FAAH2: variants seen among roughly 807,000 people sequenced by gnomAD.
FAAH2 encodes fatty acid amide hydrolase 2, also known as fatty-acid amide hydrolase 2.
In FAAH2, 60 loss-of-function variants were observed where a neutral mutation model predicts 36.9. The ratio of observed to expected loss-of-function variants is 1.63; its 90% CI spans 1.32 to 2.02. The LOEUF (loss-of-function observed/expected upper bound fraction) is 2.02. FAAH2 is among the 30% of genes most tolerant of loss of function. The pLI is 0.00. For missense variants in FAAH2, 689 were observed against 397.5 expected, an observed-to-expected ratio of 1.73 and a Z score of -6.23; for synonymous variants, 214 against 143.8, an observed-to-expected ratio of 1.49 and a Z score of -3.49.
the FAAH2 span, among the ~76,000 whole-genome samples, chrX:57,211,909 G>T: frequency 8.9e-6 from 1 of 111,776 alleles, no homozygotes; most frequent in African/African-American, 3.3e-5. Context: ...ACATCCTCAG[G>T]ATAAACAAGT....
the FAAH2 span, among the ~76,000 whole-genome samples, chrX:57,242,220 C>G: frequency 1.9e-4 from 21 of 111,915 alleles, no homozygotes; most frequent in East Asian, 5.7e-3. Context: ...CAGCTGGCAT[C>G]TGGCAGGTGC....
intron 10 of FAAH2, among the ~76,000 whole-genome samples, chrX:57,487,928 T>C (rs2057504647): frequency 8.9e-6 from 1 of 112,096 alleles, no homozygotes; most frequent in Non-Finnish European, 1.9e-5. Flanking sequence ...CAAAATTTGG[T>C]ATATTTATTC....
intron 7 of FAAH2, among the ~76,000 whole-genome samples, chrX:57,423,920 C>T (rs769588504): frequency 2.7e-5 from 3 of 111,837 alleles, no homozygotes; most frequent in Non-Finnish European, 3.8e-5. Context: ...CTGGCTCTCA[C>T]CTGAAAGTAC....
chrX:57,342,567 C>T (rs934445072), intron 5 of FAAH2, among the ~76,000 whole-genome samples: 9 of 111,388 alleles, frequency 8.1e-5, no homozygotes, highest in African/African-American at 1.3e-4. Context: ...TAAAGAATTA[C>T]GCACAAAAAG....
intron 7 of FAAH2, among the ~76,000 whole-genome samples, chrX:57,388,686 A>C (rs1432496309): frequency 9.0e-6 from 1 of 111,218 alleles, no homozygotes; most frequent in Non-Finnish European, 1.9e-5. Context: ...GCATAATGCC[A>C]TGTAACTATC....
intron 2 of FAAH2, among the ~76,000 whole-genome samples, chrX:57,294,860 C>G (rs967251360): frequency 4.5e-5 from 5 of 110,764 alleles, no homozygotes; most frequent in African/African-American, 1.6e-4. Context: ...CATGAAGGGC[C>G]CAGAAACCAC....
chrX:57,301,767 C>G (rs886122275), intron 2 of FAAH2, among the ~76,000 whole-genome samples: 1 of 111,230 alleles, frequency 9.0e-6, no homozygotes, highest in African/African-American at 3.3e-5. Context: ...TGTTGGTTGT[C>G]TCACCCACCA....
intron 10 of FAAH2, among the ~76,000 whole-genome samples, chrX:57,452,785 T>C (rs909007188): frequency 9.0e-6 from 1 of 111,585 alleles, no homozygotes; most frequent in South Asian, 3.7e-4. Flanking sequence ...GTGTGAAAAA[T>C]GATCAAATGG....
chrX:57,325,008 C>A (rs1002050196), intron 3 of FAAH2, among the ~76,000 whole-genome samples: 1 of 111,842 alleles, frequency 8.9e-6, no homozygotes. Context: ...TTTTGAGATA[C>A]GTCCCATCAA....
chrX:57,378,779 A>T lies in FAAH2; in HGVS notation c.871A>T (p.Ile291Phe). 1 of 1,206,329 alleles carries T rather than the reference A, an allele frequency of 8.3e-7. No homozygotes were observed. Among genetic ancestry groups the T allele is most frequent in the Non-Finnish European group, 1.1e-6 (1 of 892,612 alleles). ...GTTGAAGGTCATGGCAGGACCTGGG[A>T]TCAAAAGGTATGTTCATTTATTTTT... The part of the protein sequence containing the change: ...PMLKVMAGPG[I>F]KRLKLDTKVH... The change falls in exon 6 of 11, where the codon ATC becomes TTC. Residue 291 changes from isoleucine to phenylalanine, a missense_variant. Coordinates refer to ENST00000374900, the MANE Select transcript of FAAH2 (RefSeq NM_174912.4).
intron 5 of FAAH2, among the ~76,000 whole-genome samples, chrX:57,358,723 G>A (rs1376642149): frequency 9.0e-6 from 1 of 111,257 alleles, no homozygotes; most frequent in Non-Finnish European, 1.9e-5. Context: ...GAGTATTTAG[G>A]TGGATAAATA....
intron 5 of FAAH2, among the ~76,000 whole-genome samples, chrX:57,353,487 T>TTAA (rs1555980714): frequency 8.3e-5 from 7 of 83,836 alleles, no homozygotes; most frequent in Admixed American, 5.6e-4. Flanking sequence ...CCCAAATTAT[T>TTAA]AAAAAAAAAA....
chrX:57,131,756 C>T, the FAAH2 span, among the ~76,000 whole-genome samples: 1 of 112,050 alleles, frequency 8.9e-6, no homozygotes. Flanking sequence ...TACAGATATG[C>T]TTGAACCAAT....
At chrX:57,432,142 A>T (rs1000217465) in intron 8 of FAAH2, 105 bp downstream of exon 8, 1 of 655,789 alleles carries the variant, frequency 1.5e-6, no homozygotes, top group Non-Finnish European at 2.2e-6. Flanking sequence ...AACTCATGAA[A>T]AAAATAAGTA....
chrX:57,375,684 A>G (rs1373698238), intron 5 of FAAH2, among the ~76,000 whole-genome samples: 4 of 110,932 alleles, frequency 3.6e-5, no homozygotes, highest in Admixed American at 9.6e-5. Context: ...CTTTTTATAT[A>G]TCTATTGGCC....
intron 5 of FAAH2, among the ~76,000 whole-genome samples, chrX:57,376,076 A>G (rs770006031): frequency 9.0e-6 from 1 of 111,359 alleles, no homozygotes; most frequent in South Asian, 3.8e-4. Flanking sequence ...ATTCTGTTTC[A>G]TTATCTTAAT....
At chrX:57,407,903 G>C (rs2055607011) in intron 7 of FAAH2, among the ~76,000 whole-genome samples, 1 of 112,013 alleles carries the variant, frequency 8.9e-6, no homozygotes, top group Non-Finnish European at 1.9e-5. Context: ...TTATTGAAGA[G>C]ATTGTTCTTT....
intron 4 of FAAH2, among the ~76,000 whole-genome samples, chrX:57,334,756 A>T (rs1360185172): frequency 9.0e-6 from 1 of 111,571 alleles, no homozygotes; most frequent in African/African-American, 3.3e-5. Flanking sequence ...TATCATTTGA[A>T]GGAGACTTGA....
intron 7 of FAAH2, among the ~76,000 whole-genome samples, chrX:57,391,646 G>T (rs1839482364): frequency 9.1e-6 from 1 of 110,206 alleles, no homozygotes; most frequent in Non-Finnish European, 1.9e-5. Context: ...TAGGTATGTG[G>T]CTTTATTTCT....
Sources: allele counts gnomAD v4.1 joint callset (sites outside exome capture counted in the v4.1 genomes callset), GRCh38; gene constraint gnomAD v4.1.1; transcripts MANE v1.5; gene names NCBI Gene and HGNC (gene_info 2026-07-23, HGNC 2026-07-21).